The following SASS6 variants were observed in gnomAD, a reference collection of about 807,000 sequenced individuals.
The protein encoded by SASS6 is spindle assembly abnormal protein 6 homolog.
A neutral mutation model predicts 94.9 loss-of-function variants in SASS6; 59 were observed. The observed-to-expected ratio is 0.62, with a 90% CI of 0.50 to 0.77. The LOEUF is 0.77. SASS6 is among the 30% of genes least tolerant of loss of function. The probability of loss-of-function intolerance (pLI) is 0.00; values close to 1 mark genes in which losing one functional copy is unlikely to be tolerated. For synonymous variants in SASS6, 264 were observed against 270.0 expected (o/e 0.98, Z 0.22); for missense variants, 698 against 734.1 (o/e 0.95, Z 0.57).
intron 14 of SASS6, among the ~76,000 whole-genome samples, chr1:100,092,303 C>T (rs569103078): frequency 6.6e-6 from 1 of 151,804 alleles, no homozygotes; most frequent in African/African-American, 2.4e-5. Context: ...TTTTAAAATG[C>T]TTAAGGAAAA....
chr1:100,111,393 G>A (rs1653320145), intron 7 of SASS6, among the ~76,000 whole-genome samples: 1 of 151,906 alleles, frequency 6.6e-6, no homozygotes, highest in African/African-American at 2.4e-5. Context: ...TCTTTGTAAA[G>A]TCTTTAATAG....
chr1:100,090,947 C>T (rs925212663), intron 14 of SASS6, among the ~76,000 whole-genome samples: 1 of 152,048 alleles, frequency 6.6e-6, no homozygotes, highest in Non-Finnish European at 1.5e-5. Context: ...TAAACTACTG[C>T]CAAGGTCACA....
chr1:100,107,672 T>C lies in SASS6; in HGVS notation c.1102A>G (p.Lys368Glu). The C allele has an allele frequency of 6.2e-7, 1 of 1,606,666 alleles. No homozygotes were observed. The highest frequency in any genetic ancestry group is 1.1e-5 in the South Asian group (1 of 88,986). The change falls in exon 10 of 17, where the codon AAG (lysine) becomes GAG (glutamate). Residue 368 changes from lysine (K) to glutamate (E), a missense_variant. Lys to Glu is a moderately conservative substitution (Grantham distance 56, BLOSUM62 1). Transcript: ENST00000287482. ...AATGATTTTATTGTAGCTTCAAGCT[T>C]TCCTAGTTGTACTTGATTTTTCTCA... ...NGEKNQVQLGKLEATIKSLSA... is the reference protein window; with the variant it reads ...NGEKNQVQLGELEATIKSLSA...
intron 11 of SASS6, among the ~76,000 whole-genome samples, 174 bp downstream of exon 11, chr1:100,107,200 C>G (rs1652972154): frequency 6.6e-6 from 1 of 151,640 alleles, no homozygotes; most frequent in Admixed American, 6.6e-5. Context: ...GTATCTGAAT[C>G]ATGATAACTA....
Position 100,105,748 on chromosome 1 carries a change from A to C in SASS6, c.1545+19T>G, listed in dbSNP as rs770520935. ...CAGGAAATTCACTAAGATCACTCAC[A>C]TCTTGTTTTAAATCTTACCACATTC... On this transcript the variant is annotated intron_variant, in intron 13 of 16. Coordinates refer to ENST00000287482, the MANE Select transcript of SASS6 (RefSeq NM_194292.3). 6.2e-7 allele frequency: 1 copy of C among 1,604,400 alleles called. No individual in the cohort carries two copies. The highest frequency in any genetic ancestry group is 8.5e-7 in the Non-Finnish European group (1 of 1,175,896).
chr1:100,105,353 C>T (rs985194856), intron 13 of SASS6, among the ~76,000 whole-genome samples: 2 of 152,050 alleles, frequency 1.3e-5, no homozygotes, highest in Non-Finnish European at 2.9e-5. Context: ...AGGGTGAAAT[C>T]TGTTTCTACT....
At chr1:100,096,134 T>C (rs1652084765) in intron 14 of SASS6, among the ~76,000 whole-genome samples, 1 of 152,238 alleles carries the variant, frequency 6.6e-6, no homozygotes, top group African/African-American at 2.4e-5. Flanking sequence ...ACTACTGACT[T>C]TCAAAACTTT....
rs1301596265 is a variant in SASS6, at chr1:100,105,785, A to C, written c.1527T>G (p.Ile509Met). The change falls in exon 13 of 17, where the codon ATT becomes ATG. Residue 509 changes from isoleucine (I) to methionine (M), a missense_variant. Physicochemically the swap from Ile to Met is conservative, Grantham distance 10. Coordinates refer to ENST00000287482, the MANE Select transcript of SASS6 (RefSeq NM_194292.3). ...HSSSNTIRSG[I>M]SPNLNVVDGR... The stretch of plus-strand genomic sequence containing the variant: ...ATCTTACCACATTCAGGTTAGGAGA[A>C]ATTCCACTTCTGATTGTGTTGCTGC... 2.5e-6 allele frequency: 4 copies of C among 1,612,806 alleles called. No homozygotes were observed. The highest frequency in any genetic ancestry group is 3.4e-6 in the Non-Finnish European group (4 of 1,179,498).
At chr1:100,088,025 C>T in intron 15 of SASS6, 114 bp downstream of exon 15, 1 of 536,076 alleles carries the variant, frequency 1.9e-6, no homozygotes, top group Non-Finnish European at 3.5e-6. Context: ...TGATCAGTAA[C>T]TTGAAATGTC....
At chr1:100,129,966 G>C (rs541780066) in intron 1 of SASS6, among the ~76,000 whole-genome samples, 1 of 152,148 alleles carries the variant, frequency 6.6e-6, no homozygotes, top group African/African-American at 2.4e-5. Flanking sequence ...CTAAAATTTA[G>C]TGAACATTTA....
intron 1 of SASS6, 137 bp from the exon 2 acceptor site, chr1:100,126,079 A>G: frequency 1.8e-6 from 1 of 569,712 alleles, no homozygotes; most frequent in Admixed American, 3.5e-5. Context: ...AAGTTTGAAA[A>G]GCACACCGGA....
At chr1:100,092,172 A>T (rs570892877) in intron 14 of SASS6, among the ~76,000 whole-genome samples, 163 of 151,120 alleles carry the variant, frequency 1.1e-3, no homozygotes, top group Non-Finnish European at 1.7e-3. Context: ...AAAAACTAAA[A>T]ATATATATAT....
Position 100,084,889 on chromosome 1 carries a change from G to A in SASS6, c.*439C>T, listed in dbSNP as rs6660019. 0.086 allele frequency: 13,229 copies of A among 153,920 alleles called. 843 individuals carry two copies. The highest frequency in any genetic ancestry group is 0.17 in the African/African-American group (7,115 of 41,506). The allele number at this position is 153,920 out of a possible 1,614,324, so 9.5% of individuals were successfully genotyped here. A position where few individuals can be genotyped will look rare whatever the true frequency, so the allele number is the denominator to read the frequency against. On this transcript the variant is annotated 3_prime_UTR_variant, in exon 17 of 17. Transcript: ENST00000287482. ...TCAAGAGGTAATCATTTTCCCTCAT[G>A]ATTTTCAGGTGTTGAATTTAAAAGT... is the stretch of plus-strand genomic sequence containing the variant.
intron 5 of SASS6, 113 bp from the exon 6 acceptor site, chr1:100,120,572 T>C: frequency 3.4e-6 from 2 of 585,962 alleles, no homozygotes; most frequent in Non-Finnish European, 6.1e-6. Context: ...TGCAGATTCT[T>C]AGGCTCCATC....
At chr1:100,116,276 C>T (rs1570703332) in intron 7 of SASS6, among the ~76,000 whole-genome samples, 1 of 152,098 alleles carries the variant, frequency 6.6e-6, no homozygotes, top group East Asian at 1.9e-4. Flanking sequence ...CTAGAATATA[C>T]AAATTCCTAC....
chr1:100,092,094 A>G (rs1651747704), intron 14 of SASS6, among the ~76,000 whole-genome samples: 1 of 151,424 alleles, frequency 6.6e-6, no homozygotes, highest in African/African-American at 2.4e-5. Context: ...CAAGCTTAGT[A>G]AACCCCCAAA....
At position 100,106,907 on chromosome 1, in the gene SASS6, C is replaced by T. The variant is rs755848382; in HGVS notation, c.1408+5G>A. 15 of 1,154,562 alleles carry T rather than the reference C, an allele frequency of 1.3e-5. No individual in the cohort carries two copies. The highest frequency in any genetic ancestry group is 1.9e-5 in the Non-Finnish European group (15 of 771,646). 71.5% of individuals were successfully genotyped at this position (1,154,562 alleles called of 1,614,324 possible). ...CTCATTTACATTAACACGTAACATA[C>T]TTACACTTTTCATTATTTTTTAGAA... On this transcript the variant is annotated splice_donor_5th_base_variant and intron_variant, in intron 12 of 16. Coordinates refer to ENST00000287482, the MANE Select transcript of SASS6 (RefSeq NM_194292.3).
At chr1:100,114,314 C>A (rs1008892836) in intron 7 of SASS6, among the ~76,000 whole-genome samples, 1 of 152,106 alleles carries the variant, frequency 6.6e-6, no homozygotes, top group African/African-American at 2.4e-5. Flanking sequence ...TAGTCTATAA[C>A]CCACATTTGC....
chr1:100,123,128 T>C (rs1654328911), intron 3 of SASS6, 82 bp downstream of exon 3: 1 of 626,828 alleles, frequency 1.6e-6, no homozygotes, highest in Non-Finnish European at 2.9e-6. Flanking sequence ...TATGTAGGTA[T>C]GTGTTTGAAA....
Sources: gnomAD v4.1 joint callset for allele counts (sites outside exome capture counted in the v4.1 genomes callset) on GRCh38, gnomAD v4.1.1 for gene constraint, MANE v1.5 for transcripts, NCBI Gene and HGNC (gene_info 2026-07-23, HGNC 2026-07-21) for gene names.